FNDC3B: variants seen among roughly 807,000 people sequenced by gnomAD.
FNDC3B encodes fibronectin type III domain-containing protein 3B.
In FNDC3B, 12 loss-of-function variants were observed where a neutral mutation model predicts 151.5. That is an observed-to-expected ratio of 0.08 (90% confidence interval 0.05 to 0.13). The LOEUF (loss-of-function observed/expected upper bound fraction) is 0.13, where lower values mean the gene tolerates loss of function less well. FNDC3B is among the 10% of genes least tolerant of loss of function. FNDC3B has a pLI of 1.00. For synonymous variants in FNDC3B, 528 were observed against 549.0 expected, an observed-to-expected ratio of 0.96 and a Z score of 0.54; for missense variants, 1,214 against 1,505.3, an observed-to-expected ratio of 0.81 and a Z score of 3.20.
In FNDC3B at chr3:172,279,713, T is replaced by A. The variant is rs187781583; in HGVS notation, c.791-6213T>A. Among the ~76,000 whole-genome samples, 213 of 152,376 alleles carry A rather than the reference T, an allele frequency of 1.4e-3. 1 individual carries two copies. The highest frequency in any genetic ancestry group is 4.4e-3 in the African/African-American group (185 of 41,592). ...ATTCTTCGTGTTGTGATTTTACTCATCTTTAATATTTGTATTTAAAACCAC... is the reference window on the plus strand; with the variant it reads ...ATTCTTCGTGTTGTGATTTTACTCAACTTTAATATTTGTATTTAAAACCAC... On this transcript the variant is annotated intron_variant, in intron 6 of 25. Coordinates refer to ENST00000415807, the MANE Select transcript of FNDC3B (RefSeq NM_022763.4).
chr3:172,358,571 T>TGTTGTAAAGTGA (rs1734207332), intron 22 of FNDC3B, among the ~76,000 whole-genome samples: 1 of 152,150 alleles, frequency 6.6e-6, no homozygotes, highest in South Asian at 2.1e-4. Context: ...TAAAGTGAGG[T>TGTTGTAAAGTGA]GGTGTAATAG....
intron 7 of FNDC3B, among the ~76,000 whole-genome samples, chr3:172,294,173 G>A (rs1476465365): frequency 6.6e-6 from 1 of 152,222 alleles, no homozygotes; most frequent in Non-Finnish European, 1.5e-5. Flanking sequence ...AGTATTGAGT[G>A]CAAATAGTTT....
chr3:172,120,927 G>GCA (rs1720511964), intron 2 of FNDC3B, among the ~76,000 whole-genome samples: 1 of 151,960 alleles, frequency 6.6e-6, no homozygotes, highest in Non-Finnish European at 1.5e-5. Flanking sequence ...TTGCGCCATT[G>GCA]CACTCCAGCC....
At chr3:172,198,311 C>T (rs889815730) in intron 3 of FNDC3B, among the ~76,000 whole-genome samples, 4 of 152,056 alleles carry the variant, frequency 2.6e-5, no homozygotes, top group African/African-American at 9.7e-5. Flanking sequence ...TTGTGCCTCT[C>T]CAAAACTCTT....
intron 1 of FNDC3B, among the ~76,000 whole-genome samples, chr3:172,109,748 A>G (rs1313253731): frequency 6.6e-6 from 1 of 152,168 alleles, no homozygotes; most frequent in Non-Finnish European, 1.5e-5. Context: ...ACCACTGAAC[A>G]CTGTATGAGG....
chr3:172,039,645 A>T lies in FNDC3B; in HGVS notation c.-155A>T, dbSNP rs976106474. On this transcript the variant is annotated 5_prime_UTR_variant, in exon 1 of 26. Transcript: ENST00000415807. ...TTTGAGCGGCGGCGGCGGCGGCTGGAGGAGGAGAGCGGCGGCGGCGGGAGC... is the reference window on the plus strand; with the variant it reads ...TTTGAGCGGCGGCGGCGGCGGCTGGTGGAGGAGAGCGGCGGCGGCGGGAGC... The T allele has an allele frequency of 6.1e-6, 1 of 164,120 alleles. No homozygotes were observed. The highest frequency in any genetic ancestry group is 2.4e-5 in the African/African-American group (1 of 41,478). The allele number at this position is 164,120 out of a possible 1,614,324, so 10.2% of individuals were successfully genotyped here.
chr3:172,129,681 T>C (rs989293819), intron 2 of FNDC3B, among the ~76,000 whole-genome samples: 1 of 152,228 alleles, frequency 6.6e-6, no homozygotes. Flanking sequence ...TCTTGGTTCA[T>C]GTAACACTAA....
At chr3:172,274,045 G>C (rs1441469183) in intron 6 of FNDC3B, among the ~76,000 whole-genome samples, 1 of 152,194 alleles carries the variant, frequency 6.6e-6, no homozygotes, top group Non-Finnish European at 1.5e-5. Flanking sequence ...CAGTGTTCTA[G>C]CCTCAGAACA....
chr3:172,320,239 G>A (rs1382228503), intron 11 of FNDC3B, among the ~76,000 whole-genome samples: 1 of 152,072 alleles, frequency 6.6e-6, no homozygotes, highest in Admixed American at 6.5e-5. Context: ...AATTAGCCGG[G>A]CATGGTGGCG....
intron 25 of FNDC3B, among the ~76,000 whole-genome samples, chr3:172,385,666 C>T (rs1038686281): frequency 6.6e-6 from 1 of 151,566 alleles, no homozygotes; most frequent in Non-Finnish European, 1.5e-5. Flanking sequence ...TCACGCCATT[C>T]TCCTGCCTCA....
intron 6 of FNDC3B, among the ~76,000 whole-genome samples, chr3:172,252,794 A>G (rs576718076): frequency 2.0e-3 from 299 of 152,298 alleles, no homozygotes; most frequent in Middle Eastern, 0.01. Flanking sequence ...TCTATTTTCC[A>G]AACTCTGCAA....
chr3:172,043,316 A>G (rs925522985), intron 1 of FNDC3B, among the ~76,000 whole-genome samples: 2 of 152,058 alleles, frequency 1.3e-5, no homozygotes, highest in African/African-American at 2.4e-5. Context: ...TGACTCCCAA[A>G]TCTTTCACAT....
chr3:172,177,626 C>CTTT lies in FNDC3B; in HGVS notation c.187+44099_187+44101dup, dbSNP rs10684671. Among the ~76,000 whole-genome samples the CTTT allele has an allele frequency of 4.8e-4, 41 of 84,832 alleles. 2 individuals carry two copies. Among genetic ancestry groups the CTTT allele is most frequent in the African/African-American group, 1.5e-3 (30 of 20,528 alleles). 55.7% of individuals were successfully genotyped at this position (84,832 alleles called of 152,430 possible). Reference sequence around the variant, plus strand: ...AGGAAGGAATCATTTTTACCACCATCTTTTTTTTTTTTTTTTTTTTTGCAC... The same window carrying CTTT: ...AGGAAGGAATCATTTTTACCACCATCTTTTTTTTTTTTTTTTTTTTTTTTGCAC... On this transcript the variant is annotated intron_variant, in intron 3 of 25. Transcript: ENST00000415807.
chr3:172,328,090 C>T (rs899218542), intron 11 of FNDC3B, among the ~76,000 whole-genome samples: 1 of 152,114 alleles, frequency 6.6e-6, no homozygotes, highest in Non-Finnish European at 1.5e-5. Context: ...TAGACTTTTT[C>T]CTTACTTGTT....
chr3:172,245,787 T>C (rs1020231923), intron 4 of FNDC3B, among the ~76,000 whole-genome samples: 6 of 152,226 alleles, frequency 3.9e-5, no homozygotes, highest in African/African-American at 7.2e-5. Flanking sequence ...ATTATATTTA[T>C]TAAAGATCAC....
At chr3:172,380,525 C>T (rs1329180607) in intron 24 of FNDC3B, among the ~76,000 whole-genome samples, 1 of 152,144 alleles carries the variant, frequency 6.6e-6, no homozygotes, top group Non-Finnish European at 1.5e-5. Context: ...GTTTGTACCT[C>T]TCATTTTTAT....
At chr3:172,325,679 G>A (rs760581395) in intron 11 of FNDC3B, among the ~76,000 whole-genome samples, 6 of 151,942 alleles carry the variant, frequency 3.9e-5, no homozygotes, top group Admixed American at 1.3e-4. Flanking sequence ...AGAGCCTGGC[G>A]CAGTAGACAG....
intron 1 of FNDC3B, among the ~76,000 whole-genome samples, chr3:172,089,840 A>G (rs1718718991): frequency 6.6e-6 from 1 of 152,214 alleles, no homozygotes; most frequent in Non-Finnish European, 1.5e-5. Context: ...CGGCTGCATA[A>G]GATACCGAGT....
intron 6 of FNDC3B, among the ~76,000 whole-genome samples, chr3:172,260,830 G>T (rs942159530): frequency 3.9e-5 from 6 of 152,130 alleles, no homozygotes; most frequent in Non-Finnish European, 8.8e-5. Context: ...TCACCTCTCT[G>T]GTTGAATTCT....
Sources: gnomAD v4.1 joint callset for allele counts (sites outside exome capture counted in the v4.1 genomes callset) on GRCh38, gnomAD v4.1.1 for gene constraint, MANE v1.5 for transcripts, NCBI Gene and HGNC (gene_info 2026-07-23, HGNC 2026-07-21) for gene names.